DCC: variants seen among roughly 807,000 people sequenced by gnomAD.
DCC encodes the protein netrin receptor DCC.
Under a neutral mutation model 172.5 loss-of-function variants are expected in DCC, and 58 were observed. The observed-to-expected ratio is 0.34, with a 90% confidence interval of 0.27 to 0.42. DCC has a LOEUF of 0.42. Ranked by LOEUF, DCC falls within the 10% of genes least tolerant of loss-of-function variation. DCC has a pLI of 1.00. For synonymous variants in DCC, 709 were observed against 644.5 expected, an observed-to-expected ratio of 1.10 and a Z score of -1.52; for missense variants, 1,740 against 1,791.0, an observed-to-expected ratio of 0.97 and a Z score of 0.51.
rs568233273 is a variant in DCC at position 53,382,895 on chromosome 18, A to C, written c.2360-3148A>C. Among the ~76,000 whole-genome samples the C allele has an allele frequency of 1.3e-4, 20 of 152,202 alleles. No individual in the cohort carries two copies. The East Asian group carries it at 3.9e-3, about 29-fold the overall frequency. On this transcript the variant is annotated intron_variant, in intron 15 of 28. Coordinates refer to ENST00000442544, the MANE Select transcript of DCC (RefSeq NM_005215.4). ...AACATTAATACTTAGGTCACATACA[A>C]ATTTTATGAAGAAAACTCAATCAGA...
intron 1 of DCC, among the ~76,000 whole-genome samples, chr18:52,678,810 A>G (rs2035690555): frequency 6.6e-6 from 1 of 152,026 alleles, no homozygotes; most frequent in South Asian, 2.1e-4. Flanking sequence ...TTTCCACCCT[A>G]AGAATCTCAC....
chr18:52,947,969 T>C (rs1260647149), intron 5 of DCC, among the ~76,000 whole-genome samples: 4 of 152,106 alleles, frequency 2.6e-5, no homozygotes, highest in Non-Finnish European at 5.9e-5. Flanking sequence ...AATTTCTACC[T>C]CTAAAAGGTA....
chr18:52,615,656 T>C (rs1490461785), intron 1 of DCC, among the ~76,000 whole-genome samples: 3 of 152,180 alleles, frequency 2.0e-5, no homozygotes, highest in Non-Finnish European at 4.4e-5. Context: ...TGTAGCAGGA[T>C]GGGGAATAGG....
At chr18:53,002,176 C>G (rs901161699) in intron 5 of DCC, among the ~76,000 whole-genome samples, 1 of 151,982 alleles carries the variant, frequency 6.6e-6, no homozygotes, top group African/African-American at 2.4e-5. Flanking sequence ...TGTGCTTAAG[C>G]CTTTTGCATT....
intron 1 of DCC, among the ~76,000 whole-genome samples, chr18:52,736,279 A>AT (rs1599059921): frequency 7.8e-6 from 1 of 128,108 alleles, no homozygotes; most frequent in African/African-American, 2.8e-5. Context: ...TACTGTAAAC[A>AT]TAAAAAAAAA....
intron 12 of DCC, among the ~76,000 whole-genome samples, chr18:53,242,611 A>G (rs970750004): frequency 3.9e-5 from 6 of 152,178 alleles, no homozygotes; most frequent in Admixed American, 2.0e-4. Flanking sequence ...TAACCCTATC[A>G]TGATAGTATC....
At chr18:53,343,805 G>T (rs1245887860) in intron 15 of DCC, among the ~76,000 whole-genome samples, 1 of 151,822 alleles carries the variant, frequency 6.6e-6, no homozygotes, top group Non-Finnish European at 1.5e-5. Flanking sequence ...TTATAGGAAG[G>T]CTTTGATAAT....
chr18:52,346,318 ACTTTTT>A (rs1441631458), intron 1 of DCC, among the ~76,000 whole-genome samples: 2 of 152,210 alleles, frequency 1.3e-5, no homozygotes, highest in Non-Finnish European at 2.9e-5. Context: ...TTAGTAACAC[ACTTTTT>A]CTTTCTCTCA....
At chr18:52,858,013 G>A (rs527426801) in intron 2 of DCC, among the ~76,000 whole-genome samples, 6 of 152,266 alleles carry the variant, frequency 3.9e-5, no homozygotes, top group East Asian at 1.9e-4. Context: ...ACTTCAGCTC[G>A]TTTACCCAAA....
Position 53,120,728 on chromosome 18 carries a change from C to T in DCC, c.1262-36628C>T, listed in dbSNP as rs183958295. ...TAATTATATACTTGTTTTAAGTCTA[C>T]ATCTGTACATGTTAAAATTGAAATC... On this transcript the variant is annotated intron_variant, in intron 7 of 28. Transcript: ENST00000442544. Among the ~76,000 whole-genome samples the T allele has an allele frequency of 4.2e-3, 639 of 151,874 alleles. 3 individuals carry two copies. The highest frequency in any genetic ancestry group is 6.8e-3 in the Non-Finnish European group (464 of 67,848).
intron 5 of DCC, among the ~76,000 whole-genome samples, chr18:53,033,585 C>T (rs1348926289): frequency 6.6e-6 from 1 of 152,108 alleles, no homozygotes; most frequent in Non-Finnish European, 1.5e-5. Context: ...CACACTGGTT[C>T]CCATTCCTCC....
At chr18:52,397,316 C>T (rs531451652) in intron 1 of DCC, among the ~76,000 whole-genome samples, 3 of 151,976 alleles carry the variant, frequency 2.0e-5, no homozygotes, top group Non-Finnish European at 4.4e-5. Context: ...GAGAATCACT[C>T]GCTTATAGCA....
intron 1 of DCC, among the ~76,000 whole-genome samples, chr18:52,645,797 A>G (rs1478781315): frequency 6.6e-6 from 1 of 152,204 alleles, no homozygotes; most frequent in Non-Finnish European, 1.5e-5. Flanking sequence ...AACTTACCTA[A>G]ATTTATTAAT....
At chr18:52,350,273 G>C (rs556240399) in intron 1 of DCC, among the ~76,000 whole-genome samples, 4 of 152,272 alleles carry the variant, frequency 2.6e-5, no homozygotes, top group African/African-American at 9.6e-5. Context: ...CACCGAAAAG[G>C]GACACAAACA....
chr18:53,246,607 G>A (rs2056368294), intron 12 of DCC, among the ~76,000 whole-genome samples: 2 of 151,700 alleles, frequency 1.3e-5, no homozygotes. Context: ...TTGCCTCATG[G>A]GCATTTATTA....
intron 5 of DCC, among the ~76,000 whole-genome samples, chr18:53,020,624 A>G (rs556160698): frequency 2.4e-4 from 37 of 152,292 alleles, no homozygotes; most frequent in Non-Finnish European, 2.9e-5. Flanking sequence ...CCTTGGATGA[A>G]CAATATCTAT....
chr18:53,004,808 A>T (rs1207073921), intron 5 of DCC, among the ~76,000 whole-genome samples: 2 of 152,124 alleles, frequency 1.3e-5, no homozygotes, highest in African/African-American at 4.8e-5. Flanking sequence ...CTTGGATCAA[A>T]TGAGAAGAAA....
chr18:52,437,597 C>G (rs1243893489), intron 1 of DCC, among the ~76,000 whole-genome samples: 1 of 152,144 alleles, frequency 6.6e-6, no homozygotes, highest in East Asian at 1.9e-4. Context: ...TTGTACAGGT[C>G]TTTTAATTCT....
chr18:52,884,989 T>C (rs984861560), intron 2 of DCC, among the ~76,000 whole-genome samples: 1 of 152,164 alleles, frequency 6.6e-6, no homozygotes, highest in Non-Finnish European at 1.5e-5. Flanking sequence ...CTCATTCATT[T>C]TCCTTACTTT....
Sources: gnomAD v4.1 joint callset for allele counts (sites outside exome capture counted in the v4.1 genomes callset) on GRCh38, gnomAD v4.1.1 for gene constraint, MANE v1.5 for transcripts, NCBI Gene and HGNC (gene_info 2026-07-23, HGNC 2026-07-21) for gene names.